Variants in CTR9 observed in about 807,000 individuals in gnomAD.
CTR9 encodes the protein CTR9 component of Paf1/RNA polymerase II complex, also known as RNA polymerase-associated protein CTR9 homolog.
CTR9 carries 41 observed loss-of-function variants against 152.1 expected under a neutral mutation model. The ratio of observed to expected loss-of-function variants is 0.27; its 90% CI spans 0.21 to 0.35. The LOEUF is 0.35. Ranked by LOEUF, CTR9 falls within the 10% of genes least tolerant of loss-of-function variation. The probability of loss-of-function intolerance (pLI) is 1.00; values close to 1 mark genes in which losing one functional copy is unlikely to be tolerated. For missense variants in CTR9, 917 were observed against 1,424.4 expected, an observed-to-expected ratio of 0.64 and a Z score of 5.73; for synonymous variants, 476 against 496.2, an observed-to-expected ratio of 0.96 and a Z score of 0.54.
chr11:10,768,044 A>T, intron 14 of CTR9, 30 bp from the exon 15 acceptor site: 1 of 1,613,760 alleles, frequency 6.2e-7, no homozygotes, highest in Non-Finnish European at 8.5e-7. Context: ...TTCTCGTTTG[A>T]ATCTTTTTTA....
chr11:10,775,037 C>T (rs974066502), intron 22 of CTR9, among the ~76,000 whole-genome samples, 170 bp from the exon 23 acceptor site: 19 of 152,152 alleles, frequency 1.2e-4, no homozygotes, highest in Non-Finnish European at 2.2e-4. Flanking sequence ...TTCTGAGCCA[C>T]GTGCAGCAAG....
intron 24 of CTR9, among the ~76,000 whole-genome samples, chr11:10,776,428 A>C (rs1207670680): frequency 6.6e-6 from 1 of 152,124 alleles, no homozygotes; most frequent in Non-Finnish European, 1.5e-5. Context: ...GCAATACTTG[A>C]TTTTATTTGT....
At chr11:10,773,986 T>G (rs961563869) in intron 21 of CTR9, 26 bp from the exon 22 acceptor site, 13 of 1,562,578 alleles carry the variant, frequency 8.3e-6, no homozygotes, top group Non-Finnish European at 9.6e-6. Flanking sequence ...AGGAAATAAC[T>G]GACTATAGTG....
chr11:10,777,242 GCAGTT>G (rs1863254592), intron 24 of CTR9, among the ~76,000 whole-genome samples: 1 of 151,864 alleles, frequency 6.6e-6, no homozygotes, highest in Non-Finnish European at 1.5e-5. Flanking sequence ...AACCAGATTT[GCAGTT>G]CTGGCCAGGT....
chr11:10,764,428 G>A lies in CTR9; in HGVS notation c.1405G>A (p.Glu469Lys), dbSNP rs2135369472. The A allele has an allele frequency of 1.2e-6, 2 of 1,613,578 alleles. No homozygotes were observed. The highest frequency in any genetic ancestry group is 1.7e-6 in the Non-Finnish European group (2 of 1,179,906). Residue 469 changes from glutamate to lysine, a missense_variant, in exon 11 of 25, where the codon GAG becomes AAG. Around this residue, in one of 9 missense-constraint regions of CTR9, gnomAD observed 133 missense variants for 244.1 expected, o/e 0.54. Transcript: ENST00000361367. ...CCATTTTAGACTTGGAAACCTAGGG[G>A]AGGCTAAGGTAGGAAAATAGAAATA... ...ALHFRLGNLGEAKKYFLASLD... is the reference protein window; with the variant it reads ...ALHFRLGNLGKAKKYFLASLD...
intron 21 of CTR9, 121 bp from the exon 22 acceptor site, chr11:10,773,884 CAAAAAAA>C: frequency 2.5e-6 from 1 of 401,800 alleles, no homozygotes; most frequent in Non-Finnish European, 4.1e-6. Context: ...GACTTCATCT[CAAAAAAA>C]AAAAAAAAAA....
At position 10,773,288 on chromosome 11, in the gene CTR9, C is replaced by G; in HGVS notation, c.2727+15C>G. ...GTGGTGGACGGGTAAGATATAATTC[C>G]TGCTAGCACAAGTGACCTCATTCTC... On this transcript the variant is annotated intron_variant, in intron 21 of 24. Transcript: ENST00000361367. 8.7e-6 allele frequency: 14 copies of G among 1,608,142 alleles called. No individual in the cohort carries two copies. The highest frequency in any genetic ancestry group is 1.0e-5 in the Non-Finnish European group (12 of 1,178,630).
chr11:10,778,484 T>C (rs942221937), intron 24 of CTR9, among the ~76,000 whole-genome samples, 195 bp from the exon 25 acceptor site: 15 of 152,194 alleles, frequency 9.9e-5, no homozygotes, highest in African/African-American at 2.7e-4. Flanking sequence ...TTTTAAACCT[T>C]TTTGAGTTGT....
rs774747141 is a variant in CTR9 at position 10,774,002 on chromosome 11, T to C, written c.2728-10T>C. The C allele has an allele frequency of 1.2e-6, 2 of 1,605,796 alleles. No individual in the cohort carries two copies. The highest frequency in any genetic ancestry group is 1.7e-6 in the Non-Finnish European group (2 of 1,175,310). On this transcript the variant is annotated splice_polypyrimidine_tract_variant and intron_variant, in intron 21 of 24. Coordinates refer to ENST00000361367, the MANE Select transcript of CTR9 (RefSeq NM_014633.5). ...GGAAATAACTGACTATAGTGTTGTT[T>C]GGATTTTAGCGTTCTAAGAAGGGAG... is the stretch of plus-strand genomic sequence containing the variant.
At chr11:10,752,945 T>C (rs1377384902) in intron 2 of CTR9, among the ~76,000 whole-genome samples, 175 bp downstream of exon 2, 2 of 152,228 alleles carry the variant, frequency 1.3e-5, no homozygotes, top group Non-Finnish European at 2.9e-5. Context: ...CTAAATGATA[T>C]GCTGCTCTAC....
intron 24 of CTR9, 33 bp from the exon 25 acceptor site, chr11:10,778,646 C>T: frequency 6.3e-7 from 1 of 1,586,872 alleles, no homozygotes; most frequent in East Asian, 2.3e-5. Flanking sequence ...TAGCCAGAAT[C>T]CTCAGCTTCT....
chr11:10,771,702 G>A (rs1173096345), intron 19 of CTR9, 86 bp downstream of exon 19: 4 of 899,524 alleles, frequency 4.4e-6, no homozygotes, highest in East Asian at 4.9e-5. Flanking sequence ...GGGAACAGAG[G>A]TTCCTGACCT....
chr11:10,770,310 A>G lies in CTR9; in HGVS notation c.2210A>G (p.Lys737Arg), dbSNP rs1304142055. The G allele has an allele frequency of 1.2e-6, 2 of 1,613,654 alleles. No individual in the cohort carries two copies. Among genetic ancestry groups the G allele is most frequent in the Non-Finnish European group, 1.7e-6 (2 of 1,179,716 alleles). Residue 737 changes from lysine to arginine, a missense_variant, in exon 17 of 25, where the codon AAA (lysine) becomes AGA (arginine). Around this residue, in one of 9 missense-constraint regions of CTR9, gnomAD observed 106 missense variants for 157.8 expected, o/e 0.67. Coordinates refer to ENST00000361367, the MANE Select transcript of CTR9 (RefSeq NM_014633.5). ...AAGTGTGGCAAGTTACAGGAATGCA[A>G]ACAGACTTTGCTGAAGGTAAAAAGG... ...LFKCGKLQEC[K>R]QTLLKARHVA...
intron 24 of CTR9, among the ~76,000 whole-genome samples, chr11:10,777,740 T>C (rs1343888217): frequency 4.6e-5 from 7 of 152,194 alleles, no homozygotes; most frequent in Admixed American, 3.9e-4. Flanking sequence ...ATGGAGTGAA[T>C]TGGATCCCAG....
At chr11:10,772,425 C>T (rs1863158067) in intron 19 of CTR9, 95 bp from the exon 20 acceptor site, 2 of 1,089,652 alleles carry the variant, frequency 1.8e-6, no homozygotes, top group African/African-American at 3.2e-5. Flanking sequence ...AATGGTCCTG[C>T]TTCAGATTTT....
chr11:10,764,088 G>A, intron 9 of CTR9, 24 bp from the exon 10 acceptor site: 3 of 1,608,740 alleles, frequency 1.9e-6, no homozygotes, highest in Non-Finnish European at 2.6e-6. Flanking sequence ...GAATACTTCA[G>A]CTTAACAATC....
intron 1 of CTR9, among the ~76,000 whole-genome samples, chr11:10,752,299 G>T (rs1211828591): frequency 6.6e-6 from 1 of 152,132 alleles, no homozygotes; most frequent in African/African-American, 2.4e-5. Flanking sequence ...GGCTTGTAGG[G>T]TCATGCATCT....
At chr11:10,764,064 A>G in intron 9 of CTR9, 48 bp from the exon 10 acceptor site, 1 of 1,577,570 alleles carries the variant, frequency 6.3e-7, no homozygotes, top group East Asian at 2.2e-5. Flanking sequence ...TTTTATTTTG[A>G]CAACCTATAG....
intron 9 of CTR9, 89 bp from the exon 10 acceptor site, chr11:10,764,023 A>G: frequency 7.1e-7 from 1 of 1,403,904 alleles, no homozygotes; most frequent in East Asian, 2.3e-5. Context: ...CAAACAATGG[A>G]TTTATTAAAC....
Sources: allele counts gnomAD v4.1 joint callset (sites outside exome capture counted in the v4.1 genomes callset), GRCh38; gene constraint gnomAD v4.1.1; regional missense constraint gnomAD v4.1.1; transcripts MANE v1.5; gene names NCBI Gene and HGNC (gene_info 2026-07-23, HGNC 2026-07-21).